The following CADPS2 variants were observed in gnomAD, a reference collection of about 807,000 sequenced individuals.
CADPS2 encodes the protein calcium dependent secretion activator 2, also known as calcium-dependent secretion activator 2.
Under a neutral mutation model 172.5 loss-of-function variants are expected in CADPS2, and 93 were observed. The observed-to-expected ratio is 0.54, with a 90% CI of 0.46 to 0.64. The LOEUF is 0.64. Among genes scored for constraint, CADPS2 ranks in the 30% least tolerant of loss-of-function variants. CADPS2 has a pLI of 0.00. For synonymous variants in CADPS2, 546 were observed against 555.2 expected (o/e 0.98, Z 0.23); for missense variants, 1,420 against 1,565.9 (o/e 0.91, Z 1.57).
At chr7:122,670,233 T>C (rs73719738) in intron 2 of CADPS2, among the ~76,000 whole-genome samples, 7,424 of 152,154 alleles carry the variant, frequency 0.049, 578 homozygotes, top group African/African-American at 0.17. Flanking sequence ...AAATTTTTCA[T>C]TGGTCTTCCA....
chr7:122,591,836 T>C (rs1046050924), intron 6 of CADPS2, among the ~76,000 whole-genome samples: 8 of 151,974 alleles, frequency 5.3e-5, no homozygotes, highest in African/African-American at 1.9e-4. Context: ...AAAAATTAAC[T>C]CAAGATGGAT....
At chr7:122,491,944 G>A (rs778330693) in intron 9 of CADPS2, among the ~76,000 whole-genome samples, 13 of 152,078 alleles carry the variant, frequency 8.5e-5, no homozygotes, top group South Asian at 2.1e-4. Flanking sequence ...ATGCTGAGGC[G>A]GGCAGATCAC....
chr7:122,737,226 G>T (rs2092220453), intron 1 of CADPS2, among the ~76,000 whole-genome samples, 158 bp from the exon 2 acceptor site: 1 of 152,130 alleles, frequency 6.6e-6, no homozygotes, highest in Admixed American at 6.6e-5. Flanking sequence ...TTGTTCTAAT[G>T]GTTAGACCTC....
intron 2 of CADPS2, among the ~76,000 whole-genome samples, chr7:122,683,630 T>G (rs2135878655): frequency 6.6e-6 from 1 of 152,280 alleles, no homozygotes; most frequent in Non-Finnish European, 1.5e-5. Flanking sequence ...TTAAAATCAC[T>G]GCTACTTAAA....
At chr7:122,710,939 C>T (rs1490907826) in intron 2 of CADPS2, among the ~76,000 whole-genome samples, 1 of 152,092 alleles carries the variant, frequency 6.6e-6, no homozygotes, top group African/African-American at 2.4e-5. Context: ...CACAATAAAA[C>T]TTGCTCAAGG....
chr7:122,488,413 T>G (rs915627334), intron 11 of CADPS2, among the ~76,000 whole-genome samples: 1 of 152,216 alleles, frequency 6.6e-6, no homozygotes. Context: ...CCCCTGTGCA[T>G]AGCTGGGGAA....
At chr7:122,525,129 G>T (rs1010312054) in intron 8 of CADPS2, among the ~76,000 whole-genome samples, 1 of 131,918 alleles carries the variant, frequency 7.6e-6, no homozygotes, top group African/African-American at 3.0e-5. Flanking sequence ...AACACAGTGA[G>T]ACCCTGTCTC....
chr7:122,877,031 A>G (rs1444895037), intron 1 of CADPS2, among the ~76,000 whole-genome samples: 1 of 152,158 alleles, frequency 6.6e-6, no homozygotes, highest in Non-Finnish European at 1.5e-5. Context: ...AAAAATTAAA[A>G]GTACAGGAAA....
At chr7:122,519,141 T>G (rs970627333) in intron 8 of CADPS2, among the ~76,000 whole-genome samples, 1 of 152,034 alleles carries the variant, frequency 6.6e-6, no homozygotes, top group East Asian at 1.9e-4. Context: ...CAAGAATTAT[T>G]TGAATGGGGT....
intron 15 of CADPS2, among the ~76,000 whole-genome samples, chr7:122,445,730 G>A (rs765593406): frequency 2.0e-5 from 3 of 152,216 alleles, no homozygotes; most frequent in Middle Eastern, 3.4e-3. Context: ...TGGGAGGATC[G>A]CTTGAGCCTG....
chr7:122,501,264 C>CA (rs962944264), intron 9 of CADPS2, among the ~76,000 whole-genome samples: 9 of 150,666 alleles, frequency 6.0e-5, no homozygotes, highest in South Asian at 2.1e-4. Flanking sequence ...AAAAACAAAA[C>CA]AAAAAAAACA....
At chr7:122,410,252 G>A (rs1468550990) in intron 19 of CADPS2, among the ~76,000 whole-genome samples, 2 of 152,010 alleles carry the variant, frequency 1.3e-5, no homozygotes, top group Admixed American at 6.6e-5. Context: ...GCTGAGATAG[G>A]AGAATCGCTT....
At chr7:122,649,931 A>G (rs1185653586) in intron 3 of CADPS2, among the ~76,000 whole-genome samples, 2 of 25,220 alleles carry the variant, frequency 7.9e-5, no homozygotes, top group African/African-American at 1.5e-4. Flanking sequence ...TTTTTTTGAG[A>G]GAGTCTCACT....
chr7:122,648,879 C>T (rs1463105042), intron 3 of CADPS2, among the ~76,000 whole-genome samples: 1 of 152,126 alleles, frequency 6.6e-6, no homozygotes, highest in East Asian at 1.9e-4. Flanking sequence ...AAAAGATCTA[C>T]AGCAGAACAA....
chr7:122,773,594 G>A (rs747157271), intron 1 of CADPS2, among the ~76,000 whole-genome samples: 3 of 152,004 alleles, frequency 2.0e-5, no homozygotes, highest in Non-Finnish European at 4.4e-5. Flanking sequence ...TTCAAAAAAG[G>A]CTTCCTAAAA....
chr7:122,359,182 C>G (rs558168445), intron 27 of CADPS2, among the ~76,000 whole-genome samples: 1 of 152,146 alleles, frequency 6.6e-6, no homozygotes, highest in East Asian at 1.9e-4. Context: ...GCCACCACAC[C>G]TCCTGGGAAG....
intron 7 of CADPS2, among the ~76,000 whole-genome samples, chr7:122,572,712 TGCTTTTCAA>T (rs1185564587): frequency 6.6e-6 from 1 of 152,108 alleles, no homozygotes; most frequent in African/African-American, 2.4e-5. Context: ...AGGCAAAACT[TGCTTTTCAA>T]GTTTTTCAGG....
At chr7:122,832,358 T>C (rs1806829130) in intron 1 of CADPS2, among the ~76,000 whole-genome samples, 1 of 151,990 alleles carries the variant, frequency 6.6e-6, no homozygotes, top group South Asian at 2.1e-4. Flanking sequence ...AGTAAAACTT[T>C]TAAAAAGTGT....
chr7:122,631,458 T>G (rs2076567426), intron 3 of CADPS2, among the ~76,000 whole-genome samples: 1 of 152,162 alleles, frequency 6.6e-6, no homozygotes, highest in Non-Finnish European at 1.5e-5. Context: ...TTTTTCTTTT[T>G]GTGGAGATGG....
Sources: allele counts gnomAD v4.1 joint callset (sites outside exome capture counted in the v4.1 genomes callset), GRCh38; gene constraint gnomAD v4.1.1; transcripts MANE v1.5; gene names NCBI Gene and HGNC (gene_info 2026-07-23, HGNC 2026-07-21).